BAIAP2: variants seen among roughly 807,000 people sequenced by gnomAD.
The protein encoded by BAIAP2 is BAR/IMD domain-containing adapter protein 2.
BAIAP2 carries 18 observed loss-of-function variants against 63.0 expected under a neutral mutation model. The observed-to-expected ratio is 0.29, with a 90% confidence interval of 0.20 to 0.42. BAIAP2 has a LOEUF of 0.42. BAIAP2 is among the 10% of genes least tolerant of loss of function. The pLI, the probability that BAIAP2 is intolerant of heterozygous loss-of-function variation, is 1.00. For missense variants in BAIAP2, 610 were observed against 734.3 expected (o/e 0.83, Z 1.96); for synonymous variants, 386 against 307.6 (o/e 1.25, Z -2.67).
chr17:81,074,024 G>A (rs751046658), intron 3 of BAIAP2, among the ~76,000 whole-genome samples: 19 of 152,218 alleles, frequency 1.2e-4, no homozygotes, highest in Non-Finnish European at 2.4e-4. Context: ...GCAACACAGC[G>A]GGACCCTTGA....
chr17:81,057,745 C>G, intron 2 of BAIAP2, 136 bp from the exon 3 acceptor site: 1 of 1,412,182 alleles, frequency 7.1e-7, no homozygotes, highest in Non-Finnish European at 9.2e-7. Context: ...GAAATCACAG[C>G]GAGTCGAGTA....
At position 81,054,417 on chromosome 17, in the gene BAIAP2, C is replaced by T. The variant is rs370905508; in HGVS notation, c.130+674C>T. 4.6e-5 allele frequency among the ~76,000 whole-genome samples: 7 copies of T among 152,286 alleles called. No individual in the cohort carries two copies. The South Asian group carries it at 8.3e-4, about 18-fold the overall frequency. ...GGCCTGGTCAGGAGCGAAAGGAGGT[C>T]TTCTGTTCCAGCAACAAAGCTGGAC... On this transcript the variant is annotated intron_variant, in intron 2 of 13. Coordinates refer to ENST00000428708, the MANE Select transcript of BAIAP2 (RefSeq NM_001144888.2).
At chr17:81,091,138 G>C (rs1220894931) in intron 6 of BAIAP2, among the ~76,000 whole-genome samples, 1 of 107,094 alleles carries the variant, frequency 9.3e-6, no homozygotes, top group African/African-American at 3.7e-5. Context: ...CCCACCCCTT[G>C]GTGCAGGAGG....
Position 81,104,508 on chromosome 17 carries a change from C to G in BAIAP2, c.1067-6C>G. The G allele has an allele frequency of 6.3e-7, 1 of 1,586,272 alleles. No homozygotes were observed. The highest frequency in any genetic ancestry group is 1.1e-5 in the South Asian group (1 of 89,760). On this transcript the variant is annotated splice_polypyrimidine_tract_variant and splice_region_variant and intron_variant, in intron 9 of 13. Coordinates refer to ENST00000428708, the MANE Select transcript of BAIAP2 (RefSeq NM_001144888.2). ...CAGTCCCCTTACCTGTCCCTTGTCC[C>G]AGCAGCCGAGAACAAGACTCTGCCT...
chr17:81,063,415 C>G (rs2050926810), intron 3 of BAIAP2, among the ~76,000 whole-genome samples: 1 of 152,252 alleles, frequency 6.6e-6, no homozygotes, highest in Non-Finnish European at 1.5e-5. Context: ...AACAGTTTCT[C>G]TGTCCTCCTC....
chr17:81,069,925 G>A (rs1276842903), intron 3 of BAIAP2, among the ~76,000 whole-genome samples: 1 of 152,120 alleles, frequency 6.6e-6, no homozygotes, highest in African/African-American at 2.4e-5. Context: ...GAAGATTGGA[G>A]GGTTTTTTGT....
In BAIAP2 at chr17:81,084,906, C is replaced by T. The variant is rs748994634; in HGVS notation, c.279+13C>T. ...GCTGGAAGAAATGGTGAGTCCACCC[C>T]CAGCGTGGCCCTGCGAGGAGGGGCA... On this transcript the variant is annotated intron_variant, in intron 4 of 13. Coordinates refer to ENST00000428708, the MANE Select transcript of BAIAP2 (RefSeq NM_001144888.2). 5.6e-6 allele frequency: 9 copies of T among 1,613,256 alleles called. 1 individual carries two copies. In the South Asian group the frequency reaches 9.9e-5, roughly 18 times the overall value.
chr17:81,108,152 C>T (rs1212726645), intron 12 of BAIAP2: 4 of 446,690 alleles, frequency 9.0e-6, no homozygotes, highest in Non-Finnish European at 1.6e-5. Flanking sequence ...CTGCGGGGGC[C>T]TCGGCTCCCT....
intron 3 of BAIAP2, 147 bp from the exon 4 acceptor site, chr17:81,084,685 G>A (rs1463394234): frequency 1.7e-5 from 12 of 724,656 alleles, no homozygotes; most frequent in Middle Eastern, 2.4e-4. Flanking sequence ...TCCCCTCTCC[G>A]CCCTCCCTTC....
At chr17:81,050,672 C>T (rs931700631) in intron 1 of BAIAP2, among the ~76,000 whole-genome samples, 1 of 152,060 alleles carries the variant, frequency 6.6e-6, no homozygotes. Flanking sequence ...ATACCTGTGT[C>T]ACACAGGGTG....
intron 3 of BAIAP2, among the ~76,000 whole-genome samples, chr17:81,081,093 A>C (rs1365199600): frequency 1.3e-5 from 2 of 152,268 alleles, no homozygotes; most frequent in African/African-American, 4.8e-5. Flanking sequence ...TGCCACCCCA[A>C]CTCGGCTGAA....
chr17:81,055,499 G>T (rs1016002970), intron 2 of BAIAP2, among the ~76,000 whole-genome samples: 1 of 151,648 alleles, frequency 6.6e-6, no homozygotes, highest in African/African-American at 2.4e-5. Flanking sequence ...GCCCGGGGTT[G>T]CACCCGAGGG....
Position 81,116,492 on chromosome 17 carries a change from C to T in BAIAP2, c.*653C>T. The stretch of plus-strand genomic sequence containing the variant: ...CAGCCCTCCTCCTTACCCAACCTCC[C>T]ATCCAGAACCTTGCTGCCAGGGCCT... On this transcript the variant is annotated 3_prime_UTR_variant, in exon 14 of 14. Transcript: ENST00000428708. The T allele has an allele frequency of 1.3e-6, 1 of 740,878 alleles. No individual in the cohort carries two copies. The highest frequency in any genetic ancestry group is 2.9e-5 in the Admixed American group (1 of 33,904). 45.9% of individuals were successfully genotyped at this position (740,878 alleles called of 1,614,324 possible).
intron 1 of BAIAP2, among the ~76,000 whole-genome samples, chr17:81,044,337 C>T (rs1032080149): frequency 1.1e-4 from 17 of 152,214 alleles, no homozygotes; most frequent in African/African-American, 3.1e-4. Context: ...TAATGAGTGA[C>T]CTAGTGACCG....
At chr17:81,090,381 G>A (rs1300214109) in intron 6 of BAIAP2, among the ~76,000 whole-genome samples, 4 of 152,200 alleles carry the variant, frequency 2.6e-5, no homozygotes, top group African/African-American at 7.2e-5. Context: ...CTCCCCATCC[G>A]CCTCCTTCCT....
rs376603372 is a variant in BAIAP2, at chr17:81,062,605, G to A, written c.217+4638G>A. Among the ~76,000 whole-genome samples the A allele has an allele frequency of 1.6e-4, 24 of 152,102 alleles. 1 individual carries two copies. In the East Asian group the frequency reaches 2.9e-3, roughly 18 times the overall value. On this transcript the variant is annotated intron_variant, in intron 3 of 13. Transcript: ENST00000428708. ...CAGAGTCAGCTTCTCCTCCTCCCGG[G>A]TCAGAGCCCCGTGTTTTCTGGGTCC...
chr17:81,098,510 C>T (rs1007527121), intron 6 of BAIAP2, among the ~76,000 whole-genome samples: 29 of 152,106 alleles, frequency 1.9e-4, no homozygotes, highest in Admixed American at 4.6e-4. Flanking sequence ...GCGGCATTAG[C>T]GCATTCATGG....
intron 6 of BAIAP2, among the ~76,000 whole-genome samples, chr17:81,093,859 G>A (rs145899526): frequency 3.3e-5 from 5 of 152,282 alleles, no homozygotes; most frequent in East Asian, 1.9e-4. Flanking sequence ...GGAGTCTGGC[G>A]ACGTGCGGGG....
In BAIAP2 at chr17:81,116,339, G is replaced by A. The variant is rs773097363; in HGVS notation, c.*500G>A. 33 of 1,611,272 alleles carry A rather than the reference G, an allele frequency of 2.0e-5. No individual in the cohort carries two copies. The highest frequency in any genetic ancestry group is 6.7e-5 in the East Asian group (3 of 44,880). ...TAAGCACGTAATTCCCTGCAGGTCC[G>A]GCAGCTACACCTGGAGTGTGGGGCC... On this transcript the variant is annotated 3_prime_UTR_variant, in exon 14 of 14. Coordinates refer to ENST00000428708, the MANE Select transcript of BAIAP2 (RefSeq NM_001144888.2).
Sources: gnomAD v4.1 joint callset for allele counts (sites outside exome capture counted in the v4.1 genomes callset) on GRCh38, gnomAD v4.1.1 for gene constraint, MANE v1.5 for transcripts, NCBI Gene and HGNC (gene_info 2026-07-23, HGNC 2026-07-21) for gene names.